TRIM44: variants seen among roughly 807,000 people sequenced by gnomAD.
TRIM44 encodes the protein tripartite motif-containing protein 44.
Under a neutral mutation model 37.4 loss-of-function variants are expected in TRIM44, and 13 were observed. The ratio of observed to expected loss-of-function variants is 0.35; its 90% CI spans 0.23 to 0.55. The LOEUF (loss-of-function observed/expected upper bound fraction) is 0.55. TRIM44 is among the 20% of genes least tolerant of loss of function. The pLI, the probability that TRIM44 is intolerant of heterozygous loss-of-function variation, is 0.89. For missense variants in TRIM44, 426 were observed against 437.2 expected, an observed-to-expected ratio of 0.97 and a Z score of 0.23; for synonymous variants, 175 against 157.2, an observed-to-expected ratio of 1.11 and a Z score of -0.85.
At chr11:35,712,082 G>GGCTC (rs1363315926) in intron 2 of TRIM44, among the ~76,000 whole-genome samples, 1 of 152,078 alleles carries the variant, frequency 6.6e-6, no homozygotes. Context: ...GTGGTTTGTT[G>GGCTC]GCTCACTCAC....
At chr11:35,682,149 A>T (rs913412109) in intron 1 of TRIM44, among the ~76,000 whole-genome samples, 7 of 151,666 alleles carry the variant, frequency 4.6e-5, no homozygotes, top group African/African-American at 1.5e-4. Flanking sequence ...CCCGTTCCGT[A>T]CCACTCTTCA....
chr11:35,774,770 A>G (rs1852929541), intron 4 of TRIM44, among the ~76,000 whole-genome samples: 1 of 152,130 alleles, frequency 6.6e-6, no homozygotes, highest in Non-Finnish European at 1.5e-5. Context: ...CAAAGATCAG[A>G]TGGTTGTAGA....
At chr11:35,704,154 G>A (rs538491188) in intron 2 of TRIM44, among the ~76,000 whole-genome samples, 1 of 152,180 alleles carries the variant, frequency 6.6e-6, no homozygotes, top group Non-Finnish European at 1.5e-5. Flanking sequence ...GAAAGAAAGG[G>A]TATCAGTGAT....
rs559173592 is a variant in TRIM44, at chr11:35,663,552, A to G, written c.441A>G (p.Glu147=). 1.7e-5 allele frequency: 28 copies of G among 1,613,394 alleles called. No individual in the cohort carries two copies. In the South Asian group the frequency reaches 2.9e-4, roughly 16 times the overall value. ...QESEAEEDNQ[E]EGESEAEGET... ...GCGAGGCCGAAGAAGACAACCAAGA[A>G]GAAGGGGAATCCGAGGCGGAGGGAG... The change falls in exon 1 of 5, where the codon GAA becomes GAG. Residue 147 remains glutamate (E), a synonymous_variant. Coordinates refer to ENST00000299413, the MANE Select transcript of TRIM44 (RefSeq NM_017583.6).
At chr11:35,704,896 A>G (rs201769763) in intron 2 of TRIM44, among the ~76,000 whole-genome samples, 3 of 151,720 alleles carry the variant, frequency 2.0e-5, no homozygotes, top group Admixed American at 6.6e-5. Flanking sequence ...GACAGGATCA[A>G]ATTCACACAT....
At chr11:35,751,842 A>G (rs1035177907) in intron 4 of TRIM44, among the ~76,000 whole-genome samples, 12 of 152,228 alleles carry the variant, frequency 7.9e-5, no homozygotes, top group African/African-American at 2.9e-4. Context: ...CAGGATGTGC[A>G]CGGACATCTC....
intron 1 of TRIM44, among the ~76,000 whole-genome samples, chr11:35,666,634 C>T (rs753984797): frequency 6.6e-6 from 1 of 152,066 alleles, no homozygotes; most frequent in Non-Finnish European, 1.5e-5. Context: ...CACAGTGGCT[C>T]ACACCTGTCA....
chr11:35,798,329 G>C (rs539119168), intron 4 of TRIM44, among the ~76,000 whole-genome samples: 1 of 152,240 alleles, frequency 6.6e-6, no homozygotes, highest in African/African-American at 2.4e-5. Flanking sequence ...GAACAGAATG[G>C]GGGACAAGTT....
intron 2 of TRIM44, among the ~76,000 whole-genome samples, chr11:35,708,669 C>A (rs1479652530): frequency 6.6e-6 from 1 of 151,542 alleles, no homozygotes; most frequent in Non-Finnish European, 1.5e-5. Flanking sequence ...GAACAAAAAA[C>A]CAAACACTGC....
intron 4 of TRIM44, among the ~76,000 whole-genome samples, chr11:35,791,185 C>G (rs1178982939): frequency 6.6e-6 from 1 of 152,076 alleles, no homozygotes; most frequent in Admixed American, 6.5e-5. Context: ...GACATTGGCA[C>G]CTGTAATACT....
At chr11:35,721,080 T>C (rs1852101533) in intron 2 of TRIM44, among the ~76,000 whole-genome samples, 1 of 152,002 alleles carries the variant, frequency 6.6e-6, no homozygotes, top group Non-Finnish European at 1.5e-5. Flanking sequence ...AATTTTGTAT[T>C]TTTAGTAGAA....
chr11:35,743,305 C>G lies in TRIM44; in HGVS notation c.1007+7860C>G, dbSNP rs11033262. Among the ~76,000 whole-genome samples, 2,103 of 152,248 alleles carry G rather than the reference C, an allele frequency of 0.014. 116 individuals carry two copies. The East Asian group carries it at 0.14, about 10-fold the overall frequency. ...CATGTTGAGGCACCAGAAGTTGTTACTGTTTTCTGTTACGCTTTACCTCTT... is the reference window on the plus strand; with the variant it reads ...CATGTTGAGGCACCAGAAGTTGTTAGTGTTTTCTGTTACGCTTTACCTCTT... On this transcript the variant is annotated intron_variant, in intron 4 of 4. Transcript: ENST00000299413.
chr11:35,677,681 A>G (rs1225204970), intron 1 of TRIM44, among the ~76,000 whole-genome samples: 1 of 152,180 alleles, frequency 6.6e-6, no homozygotes, highest in Non-Finnish European at 1.5e-5. Flanking sequence ...CTATTTATTC[A>G]TTCAACAAAT....
intron 4 of TRIM44, among the ~76,000 whole-genome samples, chr11:35,751,313 C>T (rs1188531883): frequency 6.6e-6 from 1 of 152,202 alleles, no homozygotes; most frequent in Non-Finnish European, 1.5e-5. Context: ...AAACATTTTA[C>T]AAACCCTTAA....
intron 4 of TRIM44, among the ~76,000 whole-genome samples, chr11:35,746,746 G>A (rs551625081): frequency 6.6e-6 from 1 of 152,120 alleles, no homozygotes; most frequent in Non-Finnish European, 1.5e-5. Flanking sequence ...AAATTCATGT[G>A]CCTATACTTG....
At chr11:35,716,438 T>A (rs1021086858) in intron 2 of TRIM44, among the ~76,000 whole-genome samples, 4 of 151,936 alleles carry the variant, frequency 2.6e-5, no homozygotes, top group Admixed American at 2.6e-4. Context: ...CGAAGATGGG[T>A]CTAGGTGTTT....
chr11:35,726,837 G>A (rs1590546367), intron 3 of TRIM44, among the ~76,000 whole-genome samples: 2 of 151,180 alleles, frequency 1.3e-5, no homozygotes, highest in African/African-American at 4.9e-5. Flanking sequence ...AATCTACTTT[G>A]AAAAAATTAT....
At position 35,807,159 on chromosome 11, in the gene TRIM44, A is replaced by G. The variant is rs1853463002; in HGVS notation, c.*774A>G. On this transcript the variant is annotated 3_prime_UTR_variant, in exon 5 of 5. Transcript: ENST00000299413. ...GAATTTCCAAAATAGTCAGTAAAGG[A>G]TCTAATAGAACCAGAATTATTTGGG... 6.6e-6 allele frequency: 1 copy of G among 152,180 alleles called. No individual in the cohort carries two copies. The highest frequency in any genetic ancestry group is 2.4e-5 in the African/African-American group (1 of 41,440). 9.4% of individuals were successfully genotyped at this position (152,180 alleles called of 1,614,324 possible). A position where few individuals can be genotyped will look rare whatever the true frequency, so the allele number is the denominator to read the frequency against.
chr11:35,677,479 A>G (rs929201003), intron 1 of TRIM44, among the ~76,000 whole-genome samples: 1 of 151,950 alleles, frequency 6.6e-6, no homozygotes, highest in Non-Finnish European at 1.5e-5. Context: ...TAGTCACTCA[A>G]TGTATTGTTA....
Sources: allele counts gnomAD v4.1 joint callset (sites outside exome capture counted in the v4.1 genomes callset), GRCh38; gene constraint gnomAD v4.1.1; transcripts MANE v1.5; gene names NCBI Gene and HGNC (gene_info 2026-07-23, HGNC 2026-07-21).